The following INO80 variants were observed in gnomAD, a reference collection of about 807,000 sequenced individuals.
The protein encoded by INO80 is chromatin-remodeling ATPase INO80.
In INO80, 20 loss-of-function variants were observed where a neutral mutation model predicts 203.4. That is an observed-to-expected ratio of 0.10 (90% CI 0.07 to 0.14). The LOEUF is 0.14. Among genes scored for constraint, INO80 ranks in the 10% least tolerant of loss-of-function variants. The pLI, the probability that INO80 is intolerant of heterozygous loss-of-function variation, is 1.00. For missense variants in INO80, 1,419 were observed against 1,914.4 expected, an observed-to-expected ratio of 0.74 and a Z score of 4.83; for synonymous variants, 726 against 685.2, an observed-to-expected ratio of 1.06 and a Z score of -0.93.
intron 12 of INO80, among the ~76,000 whole-genome samples, chr15:41,071,430 T>C (rs1473495625): frequency 6.7e-6 from 1 of 150,014 alleles, no homozygotes; most frequent in Non-Finnish European, 1.5e-5. Context: ...ATCTAAAACA[T>C]GATCTTGTAC....
chr15:40,986,388 G>A (rs1387805296), intron 31 of INO80, among the ~76,000 whole-genome samples: 2 of 139,128 alleles, frequency 1.4e-5, no homozygotes, highest in East Asian at 2.3e-4. Context: ...GCAATGGCAC[G>A]ATCTTGGCTC....
At position 41,047,458 on chromosome 15, in the gene INO80, A is replaced by G; in HGVS notation, c.2685T>C (p.Asp895=). The G allele has an allele frequency of 5.6e-6, 9 of 1,613,360 alleles. No homozygotes were observed. The South Asian group carries it at 9.9e-5, about 18-fold the overall frequency. ...GGTTTGCCATTTCTGCTGGAGATAT[A>G]TCAATAAAGCGAAGGAAAGAGAAAC... The part of the protein sequence containing the change: ...ESCFSFLRFI[D]ISPAEMANLM... Residue 895 remains aspartate, a synonymous_variant, in exon 23 of 36, where the codon GAT becomes GAC. Transcript: ENST00000648947.
At chr15:41,003,334 C>CTTTT (rs71104761) in intron 28 of INO80, among the ~76,000 whole-genome samples, 12 of 126,036 alleles carry the variant, frequency 9.5e-5, no homozygotes, top group South Asian at 2.4e-4. Flanking sequence ...CTTTTCTTTT[C>CTTTT]TTTTTTTTTT....
At chr15:41,007,743 A>G (rs1160717147) in intron 27 of INO80, among the ~76,000 whole-genome samples, 4 of 137,016 alleles carry the variant, frequency 2.9e-5, no homozygotes, top group Non-Finnish European at 6.2e-5. Context: ...GTAAATTTAG[A>G]GTCTATTTCA....
intron 1 of INO80, among the ~76,000 whole-genome samples, chr15:41,114,465 C>G (rs2045999841): frequency 6.6e-6 from 1 of 152,136 alleles, no homozygotes; most frequent in Middle Eastern, 3.4e-3. Context: ...TCCCAGCACT[C>G]TGGGAGGCCA....
rs549947730 is a variant in INO80, at chr15:41,115,928, A to G, written c.-44+45T>C. The G allele has an allele frequency of 3.2e-3, 1,193 of 377,536 alleles. 5 individuals carry two copies. The highest frequency in any genetic ancestry group is 0.013 in the South Asian group (97 of 7,546). 23.4% of individuals were successfully genotyped at this position (377,536 alleles called of 1,614,324 possible). On this transcript the variant is annotated intron_variant, in intron 1 of 35. Coordinates refer to ENST00000648947, the MANE Select transcript of INO80 (RefSeq NM_017553.3). ...CGCAGAGAGGGGCGCAACAAGACCT[A>G]CACAACCCCCACTCCGTTCGCCCGC...
intron 9 of INO80, 111 bp downstream of exon 9, chr15:41,079,590 A>C (rs1024923249): frequency 2.1e-5 from 22 of 1,025,314 alleles, no homozygotes; most frequent in Admixed American, 1.3e-4. Context: ...AAAAAAAAAA[A>C]CAAAAAATTG....
intron 28 of INO80, 51 bp downstream of exon 28, chr15:41,005,542 G>A: frequency 2.3e-6 from 2 of 882,712 alleles, no homozygotes; most frequent in Non-Finnish European, 1.8e-6. Context: ...ACCATTTCAA[G>A]CACTAGAGGG....
intron 35 of INO80, among the ~76,000 whole-genome samples, chr15:40,981,942 ATTC>A (rs1239278231): frequency 6.6e-6 from 1 of 151,920 alleles, no homozygotes; most frequent in East Asian, 1.9e-4. Context: ...ATCCTTCCTC[ATTC>A]TTCTCCTCCC....
intron 16 of INO80, 122 bp downstream of exon 16, chr15:41,058,517 T>C: frequency 1.1e-6 from 1 of 921,288 alleles, no homozygotes. Context: ...TAAATAAAAC[T>C]TCTCATATCT....
chr15:41,004,743 G>GAGCTGCC (rs980474684), intron 28 of INO80: 1 of 152,204 alleles, frequency 6.6e-6, no homozygotes, highest in Non-Finnish European at 1.5e-5. Context: ...CTGTGGCTGA[G>GAGCTGCC]AGCTGCCAGC....
chr15:41,058,341 T>G (rs2045031046), intron 16 of INO80, among the ~76,000 whole-genome samples: 1 of 152,206 alleles, frequency 6.6e-6, no homozygotes, highest in African/African-American at 2.4e-5. Context: ...ACACGACTGA[T>G]GCAGAGATCA....
chr15:41,044,040 T>G (rs546036203), intron 24 of INO80, among the ~76,000 whole-genome samples: 1 of 152,306 alleles, frequency 6.6e-6, no homozygotes, highest in East Asian at 1.9e-4. Context: ...CAAAACAGAC[T>G]GCCATTCCCA....
intron 7 of INO80, among the ~76,000 whole-genome samples, chr15:41,084,057 A>T (rs528722187): frequency 6.6e-6 from 1 of 152,134 alleles, no homozygotes; most frequent in African/African-American, 2.4e-5. Context: ...TCCCGTTTCT[A>T]AAAAAAATCC....
At chr15:41,046,670 C>T (rs947175009) in intron 23 of INO80, among the ~76,000 whole-genome samples, 6 of 151,380 alleles carry the variant, frequency 4.0e-5, no homozygotes, top group East Asian at 2.0e-4. Context: ...CAGGTGGGAG[C>T]GCAGTGGAGC....
chr15:41,079,878 C>T lies in INO80; in HGVS notation c.954G>A (p.Val318=). ...RKLAHQCMKE[V]RRAALQAQKN... ...TCTGGGCCTGCAAGGCAGCTCGACGCACCTCCTTCATGCACTGGTGAGCAA... is the reference window on the plus strand; with the variant it reads ...TCTGGGCCTGCAAGGCAGCTCGACGTACCTCCTTCATGCACTGGTGAGCAA... The change falls in exon 9 of 36, where the codon GTG becomes GTA. Residue 318 remains valine, a synonymous_variant. Coordinates refer to ENST00000648947, the MANE Select transcript of INO80 (RefSeq NM_017553.3). 3 of 1,614,106 alleles carry T rather than the reference C, an allele frequency of 1.9e-6. No individual in the cohort carries two copies. The highest frequency in any genetic ancestry group is 2.5e-6 in the Non-Finnish European group (3 of 1,180,032).
chr15:41,041,956 T>A (rs1264260210), intron 24 of INO80, among the ~76,000 whole-genome samples: 3 of 150,956 alleles, frequency 2.0e-5, no homozygotes, highest in Non-Finnish European at 4.4e-5. Flanking sequence ...TGCCTCAGAC[T>A]ACTGAGTAGC....
At chr15:40,989,111 G>A (rs78732409) in intron 29 of INO80, among the ~76,000 whole-genome samples, 4,602 of 151,142 alleles carry the variant, frequency 0.03, 216 homozygotes, top group African/African-American at 0.11. Flanking sequence ...CCCAGGAGGC[G>A]GGGAGTACAG....
At chr15:41,026,226 G>A (rs1261182510) in intron 25 of INO80, among the ~76,000 whole-genome samples, 1 of 152,102 alleles carries the variant, frequency 6.6e-6, no homozygotes, top group Non-Finnish European at 1.5e-5. Flanking sequence ...ATTAACAAGG[G>A]AGACAGAAAA....
Sources: allele counts gnomAD v4.1 joint callset (sites outside exome capture counted in the v4.1 genomes callset), GRCh38; gene constraint gnomAD v4.1.1; transcripts MANE v1.5; gene names NCBI Gene and HGNC (gene_info 2026-07-23, HGNC 2026-07-21).